The following DNAH5 variants were observed in gnomAD, a reference collection of about 807,000 sequenced individuals.
DNAH5 encodes the protein axonemal beta dynein heavy chain 5.
A neutral mutation model predicts 518.2 loss-of-function variants in DNAH5; 372 were observed. The observed-to-expected ratio is 0.72, with a 90% CI of 0.66 to 0.78. The LOEUF (loss-of-function observed/expected upper bound fraction) is 0.78, where lower values mean the gene tolerates loss of function less well. Among genes scored for constraint, DNAH5 ranks in the 30% least tolerant of loss-of-function variants. DNAH5 has a pLI of 0.00. For missense variants in DNAH5, 5,523 were observed against 5,687.0 expected, an observed-to-expected ratio of 0.97 and a Z score of 0.93; for synonymous variants, 2,039 against 2,025.9, an observed-to-expected ratio of 1.01 and a Z score of -0.17.
chr5:13,764,951 CAATTA>C (rs1201709593), intron 59 of DNAH5, among the ~76,000 whole-genome samples: 1 of 152,126 alleles, frequency 6.6e-6, no homozygotes, highest in African/African-American at 2.4e-5. Context: ...TATAAGCTTA[CAATTA>C]AATAAATGAT....
intron 41 of DNAH5, among the ~76,000 whole-genome samples, chr5:13,819,683 C>T (rs1225241392): frequency 1.3e-5 from 2 of 152,032 alleles, no homozygotes; most frequent in Non-Finnish European, 2.9e-5. Flanking sequence ...CTGATCAGAA[C>T]CAGAGAATAC....
intron 1 of DNAH5, among the ~76,000 whole-genome samples, chr5:13,998,579 G>A (rs1286656168): frequency 6.6e-6 from 1 of 152,220 alleles, no homozygotes; most frequent in East Asian, 1.9e-4. Context: ...CCTATTCTGA[G>A]TTGGGAAAGT....
intron 75 of DNAH5, among the ~76,000 whole-genome samples, chr5:13,713,414 C>CATATATATATACACCGACAT (rs1743832244): frequency 1.0e-5 from 1 of 96,922 alleles, no homozygotes; most frequent in South Asian, 3.5e-4. Context: ...TATACACCGA[C>CATATATATATACACCGACAT]ATATATATAT....
chr5:13,890,859 T>C, intron 17 of DNAH5, 117 bp downstream of exon 17: 2 of 1,123,096 alleles, frequency 1.8e-6, no homozygotes, highest in Non-Finnish European at 2.6e-6. Flanking sequence ...GAATCACTTC[T>C]ATCACAGAGC....
At chr5:13,932,247 C>T (rs989623988) in intron 1 of DNAH5, 3 of 152,204 alleles carry the variant, frequency 2.0e-5, no homozygotes, top group Non-Finnish European at 4.4e-5. Context: ...TGGCAGTTGC[C>T]ACAGAGGCAT....
chr5:13,793,777 G>C, intron 48 of DNAH5, 49 bp from the exon 49 acceptor site: 1 of 1,587,870 alleles, frequency 6.3e-7, no homozygotes, highest in Non-Finnish European at 8.6e-7. Flanking sequence ...TTCTATCCCC[G>C]GAGCCTAACT....
chr5:13,728,018 C>T (rs1745981673), intron 69 of DNAH5, among the ~76,000 whole-genome samples: 1 of 152,170 alleles, frequency 6.6e-6, no homozygotes, highest in Non-Finnish European at 1.5e-5. Flanking sequence ...CTTCTCATGT[C>T]AGGAACCAAA....
At chr5:13,752,008 G>C in intron 64 of DNAH5, 126 bp downstream of exon 64, 3 of 1,033,290 alleles carry the variant, frequency 2.9e-6, no homozygotes, top group Non-Finnish European at 4.5e-6. Context: ...GTGTAGAAGA[G>C]AAAAACAAAC....
At chr5:13,750,584 A>C (rs1161407696) in intron 65 of DNAH5, among the ~76,000 whole-genome samples, 1 of 152,204 alleles carries the variant, frequency 6.6e-6, no homozygotes. Context: ...CCATCAGGAC[A>C]TACTACAGGG....
At chr5:13,836,346 G>T (rs575677736) in intron 35 of DNAH5, among the ~76,000 whole-genome samples, 1 of 152,280 alleles carries the variant, frequency 6.6e-6, no homozygotes, top group African/African-American at 2.4e-5. Context: ...AGCCATGTGG[G>T]ATCACCTAAA....
intron 41 of DNAH5, among the ~76,000 whole-genome samples, 169 bp from the exon 42 acceptor site, chr5:13,817,863 C>A (rs1761660405): frequency 6.6e-6 from 1 of 152,168 alleles, no homozygotes; most frequent in South Asian, 2.1e-4. Context: ...TAATTAGCTT[C>A]ATTATACTTT....
chr5:13,871,043 C>G (rs757271743), intron 23 of DNAH5, 41 bp from the exon 24 acceptor site: 1 of 1,477,482 alleles, frequency 6.8e-7, no homozygotes, highest in African/African-American at 1.4e-5. Context: ...TTTAAAAACT[C>G]GAATCAGTAC....
chr5:13,994,900 T>A (rs1783825814), intron 1 of DNAH5, among the ~76,000 whole-genome samples: 1 of 152,186 alleles, frequency 6.6e-6, no homozygotes, highest in Admixed American at 6.5e-5. Context: ...ATTGCCACAA[T>A]CCGTCTCCAG....
At chr5:13,768,239 G>T (rs1433882165) in intron 58 of DNAH5, among the ~76,000 whole-genome samples, 2 of 151,902 alleles carry the variant, frequency 1.3e-5, no homozygotes, top group Non-Finnish European at 2.9e-5. Flanking sequence ...CCCCCATGCT[G>T]TTCTCATGAT....
At position 13,776,461 on chromosome 5, in the gene DNAH5, C is replaced by T; in HGVS notation, c.9351G>A (p.Trp3117Ter). The change falls in exon 55 of 79, where the codon TGG becomes TGA. Residue 3117 changes from tryptophan (W) to a stop codon, truncating the protein, a stop_gained. Coordinates refer to ENST00000265104, the MANE Select transcript of DNAH5 (RefSeq NM_001369.3). LOFTEE classifies it high-confidence loss of function. ...SGCTIDWFSR[W>*]PKDALVAVSE... is the part of the protein sequence containing the mutation. ...AACCAGCAACTAAAGCATCTTTGGG[C>T]CATCGGCTGAACCAGTCAATTGTGC... is the stretch of plus-strand genomic sequence containing the variant. The T allele has an allele frequency of 6.2e-7, 1 of 1,613,750 alleles. No homozygotes were observed. Among genetic ancestry groups the T allele is most frequent in the Non-Finnish European group, 8.5e-7 (1 of 1,179,726 alleles).
At chr5:13,915,186 A>G (rs773352661) in intron 9 of DNAH5, among the ~76,000 whole-genome samples, 1 of 152,106 alleles carries the variant, frequency 6.6e-6, no homozygotes, top group African/African-American at 2.4e-5. Context: ...AGCATAAGGA[A>G]AATTAAATGA....
At chr5:14,001,285 TC>T (rs1342820948) in intron 1 of DNAH5, among the ~76,000 whole-genome samples, 3 of 152,188 alleles carry the variant, frequency 2.0e-5, no homozygotes, top group African/African-American at 4.8e-5. Flanking sequence ...ATCCCCTAAT[TC>T]TAAAATAAAA....
chr5:13,702,046 A>G (rs1742190116), intron 76 of DNAH5, among the ~76,000 whole-genome samples: 1 of 152,212 alleles, frequency 6.6e-6, no homozygotes, highest in Admixed American at 6.5e-5. Flanking sequence ...TGGAAACCCA[A>G]GACTCTTTAT....
chr5:13,953,534 G>A (rs1297630608), intron 1 of DNAH5, among the ~76,000 whole-genome samples: 2 of 152,070 alleles, frequency 1.3e-5, no homozygotes, highest in African/African-American at 2.4e-5. Context: ...GGGACATAAA[G>A]GACCTTGCTA....
Sources: allele counts gnomAD v4.1 joint callset (sites outside exome capture counted in the v4.1 genomes callset), GRCh38; gene constraint gnomAD v4.1.1; transcripts MANE v1.5; gene names NCBI Gene and HGNC (gene_info 2026-07-23, HGNC 2026-07-21).